SYNE2: variants seen among roughly 807,000 people sequenced by gnomAD.
SYNE2 encodes spectrin repeat containing nuclear envelope protein 2.
In SYNE2, 431 loss-of-function variants were observed where a neutral mutation model predicts 856.3. The observed-to-expected ratio is 0.50, with a 90% CI of 0.47 to 0.55. SYNE2 has a LOEUF of 0.55. Ranked by LOEUF, SYNE2 falls within the 20% of genes least tolerant of loss-of-function variation. The probability of loss-of-function intolerance (pLI) is 0.00; values close to 1 mark genes in which losing one functional copy is unlikely to be tolerated. For missense variants in SYNE2, 8,129 were observed against 8,023.2 expected, an observed-to-expected ratio of 1.01 and a Z score of -0.50; for synonymous variants, 2,923 against 2,872.3, an observed-to-expected ratio of 1.02 and a Z score of -0.56.
At chr14:64,042,900 A>G (rs547530505) in intron 45 of SYNE2, among the ~76,000 whole-genome samples, 1 of 152,342 alleles carries the variant, frequency 6.6e-6, no homozygotes, top group Admixed American at 6.5e-5. Context: ...GAACTGGGTA[A>G]CAGGTAGAGG....
chr14:63,864,891 C>T (rs566086089), intron 1 of SYNE2, among the ~76,000 whole-genome samples: 22 of 151,966 alleles, frequency 1.4e-4, no homozygotes, highest in East Asian at 7.7e-4. Context: ...AGTAATACTC[C>T]GTGTGCATAC....
chr14:63,997,265 C>T (rs1436019038), intron 24 of SYNE2, 36 bp from the exon 25 acceptor site: 1 of 1,597,678 alleles, frequency 6.3e-7, no homozygotes, highest in African/African-American at 1.3e-5. Context: ...ATTTTTCTTA[C>T]CCTCTTTTAA....
chr14:64,165,079 G>C (rs995476638), intron 89 of SYNE2, among the ~76,000 whole-genome samples: 4 of 151,848 alleles, frequency 2.6e-5, no homozygotes, highest in Admixed American at 2.6e-4. Flanking sequence ...CAGAGATGGA[G>C]TCTGCCTATG....
chr14:64,145,924 A>T, intron 83 of SYNE2, 144 bp from the exon 84 acceptor site: 1 of 538,394 alleles, frequency 1.9e-6, no homozygotes, highest in Non-Finnish European at 3.1e-6. Flanking sequence ...TTGAATCTTT[A>T]TTCAAAAGTT....
chr14:64,061,755 T>C (rs1026896637), intron 49 of SYNE2, among the ~76,000 whole-genome samples: 2 of 152,220 alleles, frequency 1.3e-5, no homozygotes, highest in African/African-American at 4.8e-5. Flanking sequence ...AGTGGTCCTT[T>C]ATAGTTATAT....
intron 6 of SYNE2, among the ~76,000 whole-genome samples, chr14:63,949,110 A>G (rs2096106485): frequency 6.6e-6 from 1 of 151,982 alleles, no homozygotes. Context: ...GTTGAGAGAA[A>G]TGTATTAAAT....
rs377086810 is a variant in SYNE2 at position 64,125,113 on chromosome 14, C to G, written c.13457C>G (p.Thr4486Ser). 2.4e-4 allele frequency: 389 copies of G among 1,614,170 alleles called. 8 individuals are homozygous for G. In the South Asian group the frequency reaches 3.1e-3, roughly 13 times the overall value. The change falls in exon 71 of 116, where the codon ACT becomes AGT. Residue 4486 changes from threonine (T) to serine (S), a missense_variant. By Grantham distance (58) the Thr-to-Ser change is moderately conservative. Coordinates refer to ENST00000555002, the MANE Select transcript of SYNE2 (RefSeq NM_182914.3). ...AATATGGGTATTCTACCCAGCGTGA[C>G]TATGTATAACTTTAGATACCCAACA... ...STNMGILPSV[T>S]MYNFRYPTTE... is the part of the protein sequence containing the mutation.
chr14:63,946,394 C>T (rs980782547), intron 6 of SYNE2, among the ~76,000 whole-genome samples: 3 of 151,798 alleles, frequency 2.0e-5, no homozygotes, highest in African/African-American at 7.3e-5. Flanking sequence ...GGCTACTGCA[C>T]TCTAGCCTGG....
chr14:64,005,277 G>A (rs1295671127), intron 30 of SYNE2, among the ~76,000 whole-genome samples: 1 of 152,242 alleles, frequency 6.6e-6, no homozygotes, highest in Non-Finnish European at 1.5e-5. Flanking sequence ...TGTAGGAGTT[G>A]AGAGAAGACA....
At chr14:63,884,912 T>C (rs1159843435) in intron 1 of SYNE2, among the ~76,000 whole-genome samples, 1 of 152,100 alleles carries the variant, frequency 6.6e-6, no homozygotes, top group Non-Finnish European at 1.5e-5. Context: ...AGTGCTGGGA[T>C]TACAGGCAGG....
At chr14:63,881,852 C>T (rs552388666) in intron 1 of SYNE2, among the ~76,000 whole-genome samples, 2 of 152,124 alleles carry the variant, frequency 1.3e-5, no homozygotes, top group Non-Finnish European at 2.9e-5. Context: ...TTATTGGAAC[C>T]TGTAACATAT....
chr14:64,055,378 T>TC (rs1177562986), intron 48 of SYNE2, among the ~76,000 whole-genome samples: 1 of 149,988 alleles, frequency 6.7e-6, no homozygotes, highest in African/African-American at 2.5e-5. Context: ...TTTTTTTTTT[T>TC]TTTTTTTTGA....
intron 1 of SYNE2, among the ~76,000 whole-genome samples, chr14:63,820,649 A>C (rs1255988395): frequency 1.3e-5 from 2 of 152,222 alleles, no homozygotes; most frequent in South Asian, 4.1e-4. Flanking sequence ...CATATCTGAT[A>C]AAGCACTTAT....
chr14:64,001,435 A>T (rs1330892732), intron 28 of SYNE2, among the ~76,000 whole-genome samples: 1 of 152,238 alleles, frequency 6.6e-6, no homozygotes, highest in Non-Finnish European at 1.5e-5. Context: ...CCATAATCCC[A>T]GCACTTTGGG....
At chr14:64,068,597 C>G (rs148118434) in intron 51 of SYNE2, among the ~76,000 whole-genome samples, 2,258 of 152,138 alleles carry the variant, frequency 0.015, 60 homozygotes, top group African/African-American at 0.051. Flanking sequence ...AGCAGTGGCT[C>G]ACGCCTGTAA....
chr14:64,103,196 A>C (rs2097747851), intron 64 of SYNE2, among the ~76,000 whole-genome samples: 1 of 152,166 alleles, frequency 6.6e-6, no homozygotes, highest in South Asian at 2.1e-4. Flanking sequence ...ACAGGAGAGT[A>C]CTTTTTTTGA....
chr14:64,146,891 C>G (rs1215042278), intron 84 of SYNE2, among the ~76,000 whole-genome samples: 1 of 152,242 alleles, frequency 6.6e-6, no homozygotes, highest in African/African-American at 2.4e-5. Context: ...ACTGTCAGGA[C>G]TGGAAAGTCT....
rs754885881 is a variant in SYNE2 at position 64,056,169 on chromosome 14, G to C, written c.9970G>C (p.Glu3324Gln). Reference protein sequence around the residue: ...TEKLGMISSPEAKLQLQYTLQ... With the variant: ...TEKLGMISSPQAKLQLQYTLQ... Reference sequence around the variant, plus strand: ...GAAACTGGGAATGATATCCAGCCCCGAAGCCAAACTACAACTTCAGTATAC... The same window carrying C: ...GAAACTGGGAATGATATCCAGCCCCCAAGCCAAACTACAACTTCAGTATAC... The change falls in exon 49 of 116, where the codon GAA becomes CAA. Residue 3324 changes from glutamate to glutamine, a missense_variant. Physicochemically the swap from Glu to Gln is conservative, Grantham distance 29. Around this residue, in one of 3 missense-constraint regions of SYNE2, gnomAD observed 5,410 missense variants for 5,284.8 expected, o/e 1.02. Coordinates refer to ENST00000555002, the MANE Select transcript of SYNE2 (RefSeq NM_182914.3). The C allele has an allele frequency of 5.6e-6, 9 of 1,614,074 alleles. No individual in the cohort carries two copies. Among genetic ancestry groups the C allele is most frequent in the Non-Finnish European group, 6.8e-6 (8 of 1,179,994 alleles).
At chr14:63,851,220 G>C (rs1359289235), upstream of SYNE2, among the ~76,000 whole-genome samples, 1 of 152,104 alleles carries the variant, frequency 6.6e-6, no homozygotes, top group Admixed American at 6.5e-5. Flanking sequence ...AATTAGCCAG[G>C]CATGGTGGCG....
Sources: allele counts gnomAD v4.1 joint callset (sites outside exome capture counted in the v4.1 genomes callset), GRCh38; gene constraint gnomAD v4.1.1; regional missense constraint gnomAD v4.1.1; transcripts MANE v1.5; gene names NCBI Gene and HGNC (gene_info 2026-07-23, HGNC 2026-07-21).